The following COL22A1 variants were observed in gnomAD, a reference collection of about 807,000 sequenced individuals.
COL22A1 encodes collagen alpha-1(XXII) chain.
COL22A1 carries 221 observed loss-of-function variants against 248.9 expected under a neutral mutation model. The observed-to-expected ratio is 0.89, with a 90% confidence interval of 0.80 to 0.99. The LOEUF is 0.99. COL22A1 is among the 50% of genes least tolerant of loss of function. COL22A1 has a pLI of 0.00. For missense variants in COL22A1, 2,240 were observed against 2,179.0 expected (o/e 1.03, Z -0.56); for synonymous variants, 891 against 793.4 (o/e 1.12, Z -2.07).
intron 21 of COL22A1, among the ~76,000 whole-genome samples, chr8:138,753,968 G>C (rs2873683): frequency 0.84 from 128,307 of 152,222 alleles, 54,280 homozygotes; most frequent in East Asian, 0.98. Flanking sequence ...GTGAAAACAG[G>C]AGAGGCTGCA....
intron 38 of COL22A1, among the ~76,000 whole-genome samples, chr8:138,684,792 C>G (rs762946109): frequency 6.6e-6 from 1 of 152,164 alleles, no homozygotes. Flanking sequence ...GGCTTTGAAA[C>G]CTTCACTTCA....
At chr8:138,643,605 G>A in intron 47 of COL22A1, among the ~76,000 whole-genome samples, 1 of 141,272 alleles carries the variant, frequency 7.1e-6, no homozygotes, top group East Asian at 2.1e-4. Flanking sequence ...ATATCCCTAT[G>A]CAATATAGAT....
intron 18 of COL22A1, among the ~76,000 whole-genome samples, chr8:138,758,175 C>T (rs537058728): frequency 3.3e-5 from 5 of 152,324 alleles, no homozygotes; most frequent in African/African-American, 1.2e-4. Flanking sequence ...TGTCAAGAAA[C>T]TCAGGCCTAC....
At chr8:138,790,003 G>A in intron 12 of COL22A1, among the ~76,000 whole-genome samples, 1 of 152,162 alleles carries the variant, frequency 6.6e-6, no homozygotes, top group East Asian at 1.9e-4. Flanking sequence ...TATGCCTTCA[G>A]GGAGAACTTA....
intron 51 of COL22A1, among the ~76,000 whole-genome samples, chr8:138,624,813 A>G: frequency 6.6e-6 from 1 of 152,178 alleles, no homozygotes; most frequent in Non-Finnish European, 1.5e-5. Flanking sequence ...TGCCTTCTTG[A>G]TCAATGGCAG....
chr8:138,697,987 G>T lies in COL22A1; in HGVS notation c.2592+2125C>A, dbSNP rs934851161. ...GCAATGCAGAGCCTGCAGGAAGGATGTCAGTGCTGGGACTCAAGGTGGAGG... is the reference window on the plus strand; with the variant it reads ...GCAATGCAGAGCCTGCAGGAAGGATTTCAGTGCTGGGACTCAAGGTGGAGG... On this transcript the variant is annotated intron_variant, in intron 32 of 64. Transcript: ENST00000303045. Among the ~76,000 whole-genome samples the T allele has an allele frequency of 2.0e-4, 30 of 152,334 alleles. 1 individual carries two copies. Among genetic ancestry groups the T allele is most frequent in the South Asian group, 1.5e-3 (7 of 4,826 alleles).
chr8:138,735,003 C>G (rs965726538), intron 23 of COL22A1, among the ~76,000 whole-genome samples: 1 of 151,782 alleles, frequency 6.6e-6, no homozygotes, highest in African/African-American at 2.4e-5. Flanking sequence ...ACATCACACA[C>G]TGGGGCCTGT....
At chr8:138,610,079 G>A (rs1337497424) in intron 56 of COL22A1, among the ~76,000 whole-genome samples, 3 of 152,252 alleles carry the variant, frequency 2.0e-5, no homozygotes, top group Non-Finnish European at 2.9e-5. Flanking sequence ...GCTCTTGAAT[G>A]AGAATGCTGG....
rs1177553759 is a variant in COL22A1, at chr8:138,594,113, T to C, written c.4519A>G (p.Lys1507Glu). The C allele has an allele frequency of 1.3e-6, 2 of 1,581,780 alleles. No homozygotes were observed. Among genetic ancestry groups the C allele is most frequent in the Non-Finnish European group, 1.7e-6 (2 of 1,170,192 alleles). ...CCGGCCCGGCCTGGAAGCCCATCTT[T>C]TCCAGGGGGCCCTGGGGGCCCAGGT... ...GRPGPPGPPG[K>E]DGLPGRAGPM... Residue 1507 changes from lysine to glutamate, a missense_variant, in exon 63 of 65, where the codon AAA (lysine) becomes GAA (glutamate). By Grantham distance (56) the Lys-to-Glu change is moderately conservative (BLOSUM62 1). Coordinates refer to ENST00000303045, the MANE Select transcript of COL22A1 (RefSeq NM_152888.3).
Position 138,878,029 on chromosome 8 carries a change from G to T in COL22A1, c.379C>A (p.Arg127Ser), listed in dbSNP as rs758355984. 13 of 1,590,816 alleles carry T rather than the reference G, an allele frequency of 8.2e-6. No homozygotes were observed. In the Admixed American group the frequency reaches 1.1e-4, roughly 13 times the overall value. ...CCGCCGGCGTGTGGGGAGAAGCTGCGGGCCGTGATGTAGCGGAGCGCGTCT... is the reference window on the plus strand; with the variant it reads ...CCGCCGGCGTGTGGGGAGAAGCTGCTGGCCGTGATGTAGCGGAGCGCGTCT... ...TGDALRYITARSFSPHAGGRP... is the reference protein window; with the variant it reads ...TGDALRYITASSFSPHAGGRP... Residue 127 changes from arginine to serine, a missense_variant, in exon 3 of 65, where the codon CGC (arginine) becomes AGC (serine). By Grantham distance (110) the Arg-to-Ser change is moderately radical. Coordinates refer to ENST00000303045, the MANE Select transcript of COL22A1 (RefSeq NM_152888.3).
chr8:138,712,152 T>G (rs1247932952), intron 30 of COL22A1, among the ~76,000 whole-genome samples: 1 of 152,102 alleles, frequency 6.6e-6, no homozygotes, highest in Non-Finnish European at 1.5e-5. Flanking sequence ...CTTTAACAAC[T>G]CTGAGGGTCC....
chr8:138,638,589 T>G (rs760982667), intron 47 of COL22A1, among the ~76,000 whole-genome samples: 10 of 152,118 alleles, frequency 6.6e-5, no homozygotes, highest in African/African-American at 1.9e-4. Flanking sequence ...GAGGGTTAGG[T>G]GAGCTCATAT....
intron 12 of COL22A1, among the ~76,000 whole-genome samples, chr8:138,784,601 G>T (rs1031109836): frequency 6.6e-6 from 1 of 152,142 alleles, no homozygotes; most frequent in African/African-American, 2.4e-5. Context: ...GTTTAATAAT[G>T]GCAGAACCAA....
intron 37 of COL22A1, among the ~76,000 whole-genome samples, chr8:138,687,302 G>A (rs750975847): frequency 2.6e-5 from 4 of 152,204 alleles, no homozygotes; most frequent in Non-Finnish European, 5.9e-5. Flanking sequence ...AAAAACCCAA[G>A]AGAGTCTTCA....
intron 22 of COL22A1, among the ~76,000 whole-genome samples, chr8:138,744,938 T>A (rs1831985919): frequency 6.6e-6 from 1 of 152,206 alleles, no homozygotes; most frequent in Admixed American, 6.5e-5. Flanking sequence ...CCAGTCCTCA[T>A]CTATTGATGA....
intron 22 of COL22A1, among the ~76,000 whole-genome samples, chr8:138,751,213 T>A (rs983389848): frequency 8.5e-5 from 13 of 152,196 alleles, no homozygotes; most frequent in Non-Finnish European, 1.8e-4. Flanking sequence ...TGGATTCATG[T>A]CTCTCTATAT....
At chr8:138,756,297 A>C (rs868700330) in intron 18 of COL22A1, among the ~76,000 whole-genome samples, 15 of 152,110 alleles carry the variant, frequency 9.9e-5, no homozygotes, top group African/African-American at 3.6e-4. Flanking sequence ...AAGTAACTAA[A>C]AATGTGGCAC....
chr8:138,726,510 A>AAAAAAAAAG (rs1554603431), intron 23 of COL22A1, among the ~76,000 whole-genome samples: 6 of 151,126 alleles, frequency 4.0e-5, no homozygotes, highest in Admixed American at 1.3e-4. Context: ...AAAAAAAAAA[A>AAAAAAAAAG]AAAGAAAGAA....
intron 1 of COL22A1, among the ~76,000 whole-genome samples, chr8:138,909,034 G>A (rs565264954): frequency 6.6e-6 from 1 of 152,218 alleles, no homozygotes; most frequent in African/African-American, 2.4e-5. Flanking sequence ...CAAGCTGCCT[G>A]TGATAGACGT....
Sources: gnomAD v4.1 joint callset for allele counts (sites outside exome capture counted in the v4.1 genomes callset) on GRCh38, gnomAD v4.1.1 for gene constraint, MANE v1.5 for transcripts, NCBI Gene and HGNC (gene_info 2026-07-23, HGNC 2026-07-21) for gene names.